The following SLC35E1 variants were observed in gnomAD, a reference collection of about 807,000 sequenced individuals.
The protein encoded by SLC35E1 is solute carrier family 35, member E1.
Under a neutral mutation model 31.0 loss-of-function variants are expected in SLC35E1, and 12 were observed. The observed-to-expected ratio is 0.39, with a 90% CI of 0.25 to 0.63. The LOEUF is 0.63. SLC35E1 is among the 20% of genes least tolerant of loss of function. The probability of loss-of-function intolerance (pLI) is 0.52; values close to 1 mark genes in which losing one functional copy is unlikely to be tolerated. For synonymous variants in SLC35E1, 257 were observed against 264.1 expected, an observed-to-expected ratio of 0.97 and a Z score of 0.26; for missense variants, 429 against 572.2, an observed-to-expected ratio of 0.75 and a Z score of 2.55.
At chr19:16,561,057 C>T (rs1033868068) in intron 4 of SLC35E1, among the ~76,000 whole-genome samples, 3 of 144,956 alleles carry the variant, frequency 2.1e-5, no homozygotes, top group African/African-American at 7.6e-5. Context: ...AAAAAGAATA[C>T]ATAAAAATTA....
intron 3 of SLC35E1, among the ~76,000 whole-genome samples, 182 bp downstream of exon 3, chr19:16,567,850 G>A (rs555557763): frequency 1.3e-5 from 2 of 152,242 alleles, no homozygotes; most frequent in South Asian, 2.1e-4. Flanking sequence ...CACTGCGCCC[G>A]GCCAGAAAAA....
rs546219346 is a variant in SLC35E1, at chr19:16,562,560, A to G, written c.756+3972T>C. Among the ~76,000 whole-genome samples, 20 of 152,348 alleles carry G rather than the reference A, an allele frequency of 1.3e-4. No homozygotes were observed. The South Asian group carries it at 4.1e-3, about 32-fold the overall frequency. On this transcript the variant is annotated intron_variant, in intron 4 of 5. Transcript: ENST00000595753. ...GATTACTTGTAATCCCTAATACAAT[A>G]AAACTGCTATACAAATAATTGTTAT...
At chr19:16,559,526 A>G (rs1489398964) in intron 4 of SLC35E1, among the ~76,000 whole-genome samples, 1 of 151,192 alleles carries the variant, frequency 6.6e-6, no homozygotes, top group East Asian at 1.9e-4. Flanking sequence ...GCTGGTGTGA[A>G]CGTGTAGTCC....
chr19:16,560,915 C>T (rs889007994), intron 4 of SLC35E1, among the ~76,000 whole-genome samples: 7 of 115,784 alleles, frequency 6.0e-5, no homozygotes, highest in Admixed American at 2.9e-4. Context: ...AAAAGCCTAA[C>T]AGGCATCCAG....
rs2085871568 is a variant in SLC35E1, at chr19:16,555,525, A to G, written c.757-128T>C. The stretch of plus-strand genomic sequence containing the variant: ...ATCTGGAGCCTCATGGTCCACAGGC[A>G]GCCAGTCCAGATGTGTCACCAAGAG... On this transcript the variant is annotated intron_variant, in intron 4 of 5. Transcript: ENST00000595753. The surrounding 1 kb of genome is among the most constrained non-coding windows in gnomAD (Gnocchi z 4.1). 1 of 1,321,942 alleles carries G rather than the reference A, an allele frequency of 7.6e-7. No homozygotes were observed. The highest frequency in any genetic ancestry group is 1.0e-6 in the Non-Finnish European group (1 of 981,052). The allele number at this position is 1,321,942 out of a possible 1,614,324, so 81.9% of individuals were successfully genotyped here.
At chr19:16,567,711 G>C (rs1275629728) in intron 3 of SLC35E1, among the ~76,000 whole-genome samples, 1 of 152,100 alleles carries the variant, frequency 6.6e-6, no homozygotes, top group Non-Finnish European at 1.5e-5. Flanking sequence ...ACAGATGCGT[G>C]CCTGGCTAAT....
intron 2 of SLC35E1, among the ~76,000 whole-genome samples, chr19:16,569,545 G>A (rs2085947686): frequency 1.3e-5 from 2 of 152,134 alleles, no homozygotes; most frequent in East Asian, 1.9e-4. Context: ...CCATTCCCGC[G>A]TGTCCAGCTC....
chr19:16,554,929 A>G (rs1032661317), intron 5 of SLC35E1, among the ~76,000 whole-genome samples: 1 of 152,112 alleles, frequency 6.6e-6, no homozygotes, highest in Non-Finnish European at 1.5e-5. Flanking sequence ...GGGAGGGAAA[A>G]CCCCAGCTGA....
At chr19:16,560,835 C>A (rs557461219) in intron 4 of SLC35E1, among the ~76,000 whole-genome samples, 3 of 124,360 alleles carry the variant, frequency 2.4e-5, no homozygotes, top group African/African-American at 9.7e-5. Context: ...GCACTCCAGT[C>A]TGGGTGACAG....
At chr19:16,565,005 T>C (rs2085924472) in intron 4 of SLC35E1, 8 of 419,008 alleles carry the variant, frequency 1.9e-5, no homozygotes, top group South Asian at 1.4e-4. Context: ...CAAATCCAGC[T>C]AGACCACATT....
intron 4 of SLC35E1, among the ~76,000 whole-genome samples, chr19:16,560,218 G>A (rs1599318122): frequency 2.0e-5 from 3 of 152,182 alleles, no homozygotes; most frequent in Admixed American, 2.0e-4. Context: ...GACTTTATGA[G>A]GTCGCTGTCC....
chr19:16,566,242 G>C (rs1049169448), intron 4 of SLC35E1: 6 of 377,502 alleles, frequency 1.6e-5, no homozygotes, highest in Non-Finnish European at 2.4e-5. Flanking sequence ...GGACTATACT[G>C]TCAGGAGGTG....
In SLC35E1 at chr19:16,555,603, T is replaced by A; in HGVS notation, c.757-206A>T. ...CAGAACCTCATGACACCACACAGCA[T>A]GGGAATCACCCGCCGTCTCCTGCCA... On this transcript the variant is annotated intron_variant, in intron 4 of 5. Coordinates refer to ENST00000595753, the MANE Select transcript of SLC35E1 (RefSeq NM_024881.5). This position sits in a 1 kb window ranked among gnomAD's most constrained non-coding sequence, Gnocchi z 4.1. 2 of 615,524 alleles carry A rather than the reference T, an allele frequency of 3.2e-6. No homozygotes were observed. Among genetic ancestry groups the A allele is most frequent in the East Asian group, 3.0e-5 (1 of 33,524 alleles). 38.1% of individuals were successfully genotyped at this position (615,524 alleles called of 1,614,324 possible).
intron 4 of SLC35E1, among the ~76,000 whole-genome samples, chr19:16,563,918 C>T (rs1436197531): frequency 2.6e-5 from 4 of 152,140 alleles, no homozygotes; most frequent in East Asian, 1.9e-4. Flanking sequence ...AACTAAGAAA[C>T]GAGGAGCGGA....
chr19:16,565,142 G>A, intron 4 of SLC35E1: 1 of 456,302 alleles, frequency 2.2e-6, no homozygotes. Flanking sequence ...CCTGCAGGTG[G>A]CAAAAAGATT....
chr19:16,559,864 C>T (rs925124009), intron 4 of SLC35E1, among the ~76,000 whole-genome samples: 7 of 152,118 alleles, frequency 4.6e-5, no homozygotes, highest in Non-Finnish European at 4.4e-5. Flanking sequence ...TCGTAAACTA[C>T]GTAATTTTGG....
Position 16,572,270 on chromosome 19 carries a change from G to A in SLC35E1, c.95C>T (p.Ala32Val), listed in dbSNP as rs2122356232. ...GGAREGARVA[A>V]LCLLWYALSA... ...CAGCGCGTACCACAGCAGGCACAGC[G>A]CCGCCACCCGCGCGCCCTCGCGCGC... The change falls in exon 1 of 6, where the codon GCG (alanine) becomes GTG (valine). Residue 32 changes from alanine to valine, a missense_variant. Coordinates refer to ENST00000595753, the MANE Select transcript of SLC35E1 (RefSeq NM_024881.5). The surrounding 1 kb of genome is among the most constrained non-coding windows in gnomAD (Gnocchi z 4.1). The A allele has an allele frequency of 2.0e-6, 3 of 1,499,444 alleles. No homozygotes were observed. Among genetic ancestry groups the A allele is most frequent in the East Asian group, 2.9e-5 (1 of 34,568 alleles). The allele number at this position is 1,499,444 out of a possible 1,614,324, so 92.9% of individuals were successfully genotyped here.
At position 16,571,957 on chromosome 19, in the gene SLC35E1, G is replaced by T; in HGVS notation, c.408C>A (p.Ser136=). 1 of 1,547,672 alleles carries T rather than the reference G, an allele frequency of 6.5e-7. No individual in the cohort carries two copies. Among genetic ancestry groups the T allele is most frequent in the South Asian group, 1.2e-5 (1 of 83,992 alleles). The change falls in exon 1 of 6, where the codon TCC becomes TCA. Residue 136 remains serine (S), a synonymous_variant. Coordinates refer to ENST00000595753, the MANE Select transcript of SLC35E1 (RefSeq NM_024881.5). ...AHVSIWKVPV[S]YAHTVKATMP... Reference sequence around the variant, plus strand: ...CGCGGAACCTACCGGTGTGTGCATAGGACACGGGCACCTTCCAGATGCTGA... The same window carrying T: ...CGCGGAACCTACCGGTGTGTGCATATGACACGGGCACCTTCCAGATGCTGA...
chr19:16,554,035 C>G, intron 5 of SLC35E1, 126 bp from the exon 6 acceptor site: 1 of 735,404 alleles, frequency 1.4e-6, no homozygotes, highest in Non-Finnish European at 2.1e-6. Context: ...GAGGTCGAGG[C>G]GGGAGGATCA....
Sources: gnomAD v4.1 joint callset for allele counts (sites outside exome capture counted in the v4.1 genomes callset) on GRCh38, gnomAD v4.1.1 for gene constraint, Gnocchi (gnomAD v3.1) non-coding constraint, MANE v1.5 for transcripts, NCBI Gene and HGNC (gene_info 2026-07-23, HGNC 2026-07-21) for gene names.